CTSB: variants seen among roughly 807,000 people sequenced by gnomAD.
CTSB encodes the protein cathepsin B.
In CTSB, 57 loss-of-function variants were observed where a neutral mutation model predicts 44.3. The observed-to-expected ratio is 1.29, with a 90% CI of 1.04 to 1.60. The LOEUF (loss-of-function observed/expected upper bound fraction) is 1.60. Among genes scored for constraint, CTSB ranks in the 40% most tolerant of loss-of-function variants. The pLI is 0.00. For missense variants in CTSB, 768 were observed against 443.0 expected (o/e 1.73, Z -6.59); for synonymous variants, 320 against 168.0 (o/e 1.91, Z -7.00).
intron 8 of CTSB, chr8:11,846,087 A>C (rs368091032): frequency 6.0e-5 from 13 of 217,926 alleles, no homozygotes; most frequent in African/African-American, 2.5e-4. Context: ...ATTTAATGCT[A>C]GATGACTGAT....
intron 1 of CTSB, among the ~76,000 whole-genome samples, chr8:11,861,972 C>G (rs1194756966): frequency 6.6e-6 from 1 of 152,114 alleles, no homozygotes; most frequent in African/African-American, 2.4e-5. Context: ...CTTTGGGAGG[C>G]TGAGGTGGGC....
chr8:11,857,487 G>C (rs1473390493), intron 1 of CTSB, among the ~76,000 whole-genome samples: 1 of 152,158 alleles, frequency 6.6e-6, no homozygotes, highest in African/African-American at 2.4e-5. Flanking sequence ...GTGCTGTAGA[G>C]ATGTTATTTT....
intron 1 of CTSB, among the ~76,000 whole-genome samples, chr8:11,860,075 GAAAA>G (rs1452032720): frequency 6.6e-6 from 1 of 150,514 alleles, no homozygotes; most frequent in Non-Finnish European, 1.5e-5. Flanking sequence ...CTGTCTCAGA[GAAAA>G]AAAAAGAAAG....
intron 1 of CTSB, among the ~76,000 whole-genome samples, chr8:11,864,081 T>C (rs1028754571): frequency 6.6e-6 from 1 of 151,920 alleles, no homozygotes; most frequent in Non-Finnish European, 1.5e-5. Flanking sequence ...GCAACAGAAA[T>C]AAATCTCACA....
intron 1 of CTSB, among the ~76,000 whole-genome samples, chr8:11,855,547 G>A (rs942256713): frequency 2.6e-5 from 4 of 152,134 alleles, no homozygotes; most frequent in Admixed American, 6.5e-5. Context: ...AGGATTGACA[G>A]GAAACACAGC....
chr8:11,849,185 G>A (rs368762480), intron 4 of CTSB, 21 bp from the exon 5 acceptor site: 77 of 1,597,666 alleles, frequency 4.8e-5, no homozygotes, highest in Middle Eastern at 4.0e-4. Flanking sequence ...GAGCCCCACC[G>A]GGTGAGGCTG....
intron 4 of CTSB, among the ~76,000 whole-genome samples, chr8:11,849,835 C>T (rs1224023526): frequency 6.6e-6 from 1 of 152,148 alleles, no homozygotes; most frequent in Non-Finnish European, 1.5e-5. Context: ...CCTGCCTCAG[C>T]CTCCCAAAGT....
chr8:11,854,440 C>A (rs1815172966), intron 1 of CTSB, among the ~76,000 whole-genome samples: 1 of 151,766 alleles, frequency 6.6e-6, no homozygotes, highest in Non-Finnish European at 1.5e-5. Context: ...AGCAACAATT[C>A]ATCTAGGAGA....
chr8:11,851,392 G>GT (rs1254810765), intron 3 of CTSB, among the ~76,000 whole-genome samples: 1 of 152,028 alleles, frequency 6.6e-6, no homozygotes, highest in African/African-American at 2.4e-5. Flanking sequence ...GTTTCACCAT[G>GT]TTGGCCAGGC....
chr8:11,850,594 C>T (rs1045458235), intron 4 of CTSB: 2 of 302,464 alleles, frequency 6.6e-6, no homozygotes, highest in Non-Finnish European at 1.3e-5. Context: ...CTGGTATTTG[C>T]GGACGGGCCA....
intron 5 of CTSB, 114 bp downstream of exon 5, chr8:11,848,932 A>G (rs1813982907): frequency 1.4e-6 from 1 of 733,310 alleles, no homozygotes; most frequent in Non-Finnish European, 2.3e-6. Context: ...AGTCTCCCCG[A>G]AACACTTCTG....
At chr8:11,859,264 C>T (rs960568847) in intron 1 of CTSB, among the ~76,000 whole-genome samples, 22 of 152,072 alleles carry the variant, frequency 1.4e-4, no homozygotes, top group African/African-American at 5.3e-4. Context: ...GGCCAGGCGA[C>T]TCTATCAACC....
At chr8:11,845,882 G>C (rs1358507454) in intron 8 of CTSB, 93 bp from the exon 9 acceptor site, 2 of 1,423,524 alleles carry the variant, frequency 1.4e-6, no homozygotes, top group Non-Finnish European at 9.3e-7. Context: ...CTCCGGGAAG[G>C]AGAAACAGCT....
chr8:11,850,002 G>A (rs930014882), intron 4 of CTSB: 3 of 152,348 alleles, frequency 2.0e-5, no homozygotes, highest in African/African-American at 4.8e-5. Context: ...GCTTACCAGG[G>A]GCTACAATAT....
chr8:11,853,618 G>A, intron 1 of CTSB, 139 bp from the exon 2 acceptor site: 4 of 805,138 alleles, frequency 5.0e-6, no homozygotes, highest in Admixed American at 3.1e-5. Flanking sequence ...AGGAGCTGAG[G>A]TGTCTATGGG....
chr8:11,864,171 G>A (rs1816788030), intron 1 of CTSB, among the ~76,000 whole-genome samples: 1 of 152,036 alleles, frequency 6.6e-6, no homozygotes, highest in South Asian at 2.1e-4. Flanking sequence ...CTGATGCAGA[G>A]TTTTAAAAGT....
At chr8:11,852,084 G>C (rs552304519) in intron 3 of CTSB, among the ~76,000 whole-genome samples, 1 of 152,234 alleles carries the variant, frequency 6.6e-6, no homozygotes, top group Admixed American at 6.5e-5. Flanking sequence ...AAGCACAATA[G>C]AAAACACTGG....
rs745371082 is a variant in CTSB, at chr8:11,853,381, G to A, written c.74C>T (p.Pro25Leu). ...ATAGTTGACCAGCTCATCCGACAGG[G>A]GATGGAAAGAGGGCCTGCTCCGGGC... Reference protein sequence around the residue: ...ANARSRPSFHPLSDELVNYVN... With the variant: ...ANARSRPSFHLLSDELVNYVN... The change falls in exon 2 of 10, where the codon CCC (proline) becomes CTC (leucine). Residue 25 changes from proline to leucine, a missense_variant. Physicochemically the swap from Pro to Leu is moderately conservative, Grantham distance 98. Coordinates refer to ENST00000353047, the MANE Select transcript of CTSB (RefSeq NM_001908.5). 11 of 1,612,926 alleles carry A rather than the reference G, an allele frequency of 6.8e-6. No homozygotes were observed. The East Asian group carries it at 1.6e-4, about 23-fold the overall frequency.
intron 1 of CTSB, among the ~76,000 whole-genome samples, chr8:11,856,379 C>T (rs978945777): frequency 9.2e-5 from 14 of 152,014 alleles, no homozygotes; most frequent in African/African-American, 2.2e-4. Context: ...TGCCTGTAGC[C>T]GAGGCGGTTG....
Sources: gnomAD v4.1 joint callset for allele counts (sites outside exome capture counted in the v4.1 genomes callset) on GRCh38, gnomAD v4.1.1 for gene constraint, MANE v1.5 for transcripts, NCBI Gene and HGNC (gene_info 2026-07-23, HGNC 2026-07-21) for gene names.